ANKRD11: variants seen among roughly 807,000 people sequenced by gnomAD.
The protein encoded by ANKRD11 is ankyrin repeat domain-containing protein 11.
In ANKRD11, 17 loss-of-function variants were observed where a neutral mutation model predicts 195.7. The ratio of observed to expected loss-of-function variants is 0.09; its 90% CI spans 0.06 to 0.13. The LOEUF is 0.13. Ranked by LOEUF, ANKRD11 falls within the 10% of genes least tolerant of loss-of-function variation. The pLI is 1.00. For missense variants in ANKRD11, 3,735 were observed against 3,566.1 expected (o/e 1.05, Z -1.21); for synonymous variants, 1,953 against 1,528.1 (o/e 1.28, Z -6.49).
chr16:89,271,447 T>C (rs1160385991), intron 11 of ANKRD11: 2 of 216,280 alleles, frequency 9.2e-6, no homozygotes, highest in Non-Finnish European at 1.9e-5. Context: ...GGCGAGACTT[T>C]CTAGATATGT....
chr16:89,393,530 G>A (rs968295414), intron 2 of ANKRD11, among the ~76,000 whole-genome samples: 3 of 147,478 alleles, frequency 2.0e-5, no homozygotes, highest in South Asian at 2.1e-4. Flanking sequence ...AAATAGAGAC[G>A]GGGTTTCACC....
intron 2 of ANKRD11, among the ~76,000 whole-genome samples, chr16:89,330,595 G>A (rs1408025764): frequency 3.4e-5 from 5 of 147,280 alleles, no homozygotes; most frequent in South Asian, 2.2e-4. Flanking sequence ...ACCTAGTATC[G>A]GAAGCAAGGG....
At chr16:89,317,879 G>A (rs888469210) in intron 2 of ANKRD11, among the ~76,000 whole-genome samples, 12 of 152,168 alleles carry the variant, frequency 7.9e-5, no homozygotes, top group Admixed American at 2.6e-4. Flanking sequence ...GGGCTCCCAT[G>A]CAACCCAATC....
chr16:89,313,499 C>T (rs1383811691), intron 3 of ANKRD11: 1 of 1,289,232 alleles, frequency 7.8e-7, no homozygotes. Context: ...GCCGTCAGGT[C>T]AGCGCGGCAT....
chr16:89,286,618 T>C (rs1461203715), intron 7 of ANKRD11: 2 of 1,179,664 alleles, frequency 1.7e-6, no homozygotes, highest in Non-Finnish European at 2.2e-6. Context: ...AAGAGTGTTA[T>C]GGAAAGGGTT....
chr16:89,328,309 C>T (rs759596981), intron 2 of ANKRD11, among the ~76,000 whole-genome samples: 3 of 152,166 alleles, frequency 2.0e-5, no homozygotes, highest in African/African-American at 4.8e-5. Context: ...CCTAAGTGTG[C>T]GCTTGCTGCC....
intron 2 of ANKRD11, among the ~76,000 whole-genome samples, chr16:89,317,282 G>A (rs1426969261): frequency 6.6e-6 from 1 of 152,350 alleles, no homozygotes; most frequent in Non-Finnish European, 1.5e-5. Flanking sequence ...TGGCAGCTTT[G>A]AGCAGGAAGG....
intron 3 of ANKRD11, among the ~76,000 whole-genome samples, chr16:89,306,356 TCCCA>T (rs2036241607): frequency 1.7e-5 from 1 of 57,886 alleles, no homozygotes; most frequent in Non-Finnish European, 3.2e-5. Context: ...GCCACCTACC[TCCCA>T]CTCCGCAGAC....
At chr16:89,480,318 T>C (rs1312403591) in intron 1 of ANKRD11, among the ~76,000 whole-genome samples, 2 of 146,124 alleles carry the variant, frequency 1.4e-5, no homozygotes, top group African/African-American at 2.5e-5. Context: ...CTATTAAAAA[T>C]ACAAAAAAAT....
chr16:89,471,374 C>T (rs183643858), intron 1 of ANKRD11, among the ~76,000 whole-genome samples: 47 of 152,212 alleles, frequency 3.1e-4, no homozygotes, highest in East Asian at 1.5e-3. Context: ...ATTCACGAGA[C>T]GGCAAGAACT....
intron 7 of ANKRD11, chr16:89,286,969 A>C: frequency 7.8e-7 from 1 of 1,289,786 alleles, no homozygotes; most frequent in Non-Finnish European, 1.0e-6. Flanking sequence ...TTCGTGTGTG[A>C]CATGTTCTAT....
rs541169583 is a variant in ANKRD11 at position 89,358,251 on chromosome 16, G to A, written c.-59-41173C>T. 3.3e-5 allele frequency among the ~76,000 whole-genome samples: 5 copies of A among 152,356 alleles called. No individual in the cohort carries two copies. The East Asian group carries it at 7.7e-4, about 24-fold the overall frequency. On this transcript the variant is annotated intron_variant, in intron 2 of 12. Transcript: ENST00000301030. Reference sequence around the variant, plus strand: ...ATCAGCACTGGTCCCGCATGGAGCTGTGCCGGCTTGCAGAAGACGTAGAGC... The same window carrying A: ...ATCAGCACTGGTCCCGCATGGAGCTATGCCGGCTTGCAGAAGACGTAGAGC...
intron 1 of ANKRD11, among the ~76,000 whole-genome samples, chr16:89,434,260 T>A (rs1048867062): frequency 9.2e-5 from 14 of 152,148 alleles, no homozygotes; most frequent in Non-Finnish European, 2.1e-4. Flanking sequence ...GCAATTTTTT[T>A]AATGTTTTCC....
chr16:89,438,052 G>T (rs535962138), intron 1 of ANKRD11, among the ~76,000 whole-genome samples: 110 of 152,320 alleles, frequency 7.2e-4, no homozygotes, highest in Non-Finnish European at 1.2e-3. Flanking sequence ...ATGAAGGCAA[G>T]TGGCAGTGTC....
chr16:89,418,481 C>T, intron 1 of ANKRD11, 113 bp from the exon 2 acceptor site: 1 of 330,406 alleles, frequency 3.0e-6, no homozygotes, highest in East Asian at 8.0e-5. Flanking sequence ...CGCCCTTCCT[C>T]TCCCATGACC....
chr16:89,320,853 C>T (rs1421332375), intron 2 of ANKRD11, among the ~76,000 whole-genome samples: 1 of 152,250 alleles, frequency 6.6e-6, no homozygotes, highest in Non-Finnish European at 1.5e-5. Flanking sequence ...TGCGAGAGCC[C>T]CTGCAGCCCA....
At chr16:89,317,214 G>A in intron 2 of ANKRD11, 136 bp from the exon 3 acceptor site, 1 of 700,384 alleles carries the variant, frequency 1.4e-6, no homozygotes, top group Non-Finnish European at 2.5e-6. Flanking sequence ...CCCGGGCCAG[G>A]CCCAGGAAGG....
At chr16:89,455,040 C>A (rs1597460977) in intron 1 of ANKRD11, among the ~76,000 whole-genome samples, 1 of 86,682 alleles carries the variant, frequency 1.2e-5, no homozygotes, top group Non-Finnish European at 2.4e-5. Context: ...AGCTGCTCCC[C>A]TGGGTGCTTC....
intron 2 of ANKRD11, among the ~76,000 whole-genome samples, chr16:89,387,763 GAGGCTGAGGC>G (rs1352789498): frequency 6.6e-6 from 1 of 151,564 alleles, no homozygotes; most frequent in Non-Finnish European, 1.5e-5. Flanking sequence ...AACACTTTGG[GAGGCTGAGGC>G]AGGTGAATCA....
Sources: allele counts gnomAD v4.1 joint callset (sites outside exome capture counted in the v4.1 genomes callset), GRCh38; gene constraint gnomAD v4.1.1; transcripts MANE v1.5; gene names NCBI Gene and HGNC (gene_info 2026-07-23, HGNC 2026-07-21).